The following TCF20 variants were observed in gnomAD, a reference collection of about 807,000 sequenced individuals.
The protein encoded by TCF20 is SPRE-binding protein.
TCF20 carries 3 observed loss-of-function variants against 148.6 expected under a neutral mutation model. That is an observed-to-expected ratio of 0.02 (90% CI 0.01 to 0.05). TCF20 has a LOEUF of 0.05. Ranked by LOEUF, TCF20 falls within the 10% of genes least tolerant of loss-of-function variation. The pLI is 1.00. For synonymous variants in TCF20, 1,049 were observed against 909.5 expected (o/e 1.15, Z -2.76); for missense variants, 2,350 against 2,429.3 (o/e 0.97, Z 0.69).
chr22:42,320,302 C>A (rs1180839220), intron 1 of TCF20, among the ~76,000 whole-genome samples: 4 of 152,204 alleles, frequency 2.6e-5, no homozygotes, highest in African/African-American at 7.2e-5. Flanking sequence ...CAGGATGGAG[C>A]CGTACAGCCT....
At chr22:42,302,613 T>C (rs1046446299) in intron 1 of TCF20, among the ~76,000 whole-genome samples, 25 of 152,154 alleles carry the variant, frequency 1.6e-4, no homozygotes, top group Non-Finnish European at 1.5e-4. Flanking sequence ...CTTGGTGGGA[T>C]TCCTGGATGT....
intron 2 of TCF20, among the ~76,000 whole-genome samples, chr22:42,199,852 A>C (rs1204757618): frequency 1.3e-5 from 2 of 151,716 alleles, no homozygotes; most frequent in Non-Finnish European, 2.9e-5. Context: ...TCCAAAAAAA[A>C]AAAAAAGCCC....
intron 2 of TCF20, among the ~76,000 whole-genome samples, chr22:42,202,371 C>T (rs914859363): frequency 6.6e-6 from 1 of 152,224 alleles, no homozygotes; most frequent in Admixed American, 6.5e-5. Context: ...TCCTAACATA[C>T]CTCTTTACTG....
chr22:42,207,184 C>A (rs1938441948), intron 2 of TCF20, among the ~76,000 whole-genome samples: 1 of 152,098 alleles, frequency 6.6e-6, no homozygotes. Flanking sequence ...GGTAACTGTT[C>A]TCATCCACTG....
chr22:42,336,789 A>T (rs1424439777), intron 1 of TCF20, among the ~76,000 whole-genome samples: 2 of 151,328 alleles, frequency 1.3e-5, no homozygotes, highest in Non-Finnish European at 2.9e-5. Flanking sequence ...CTTCCCCCTG[A>T]CCTCCCTCAC....
At chr22:42,205,511 T>TAGGATTA (rs1938325312) in intron 2 of TCF20, among the ~76,000 whole-genome samples, 2 of 152,202 alleles carry the variant, frequency 1.3e-5, no homozygotes, top group South Asian at 4.1e-4. Context: ...TCTTACATGA[T>TAGGATTA]AGGATTAAGG....
intron 1 of TCF20, among the ~76,000 whole-genome samples, chr22:42,301,898 C>A (rs918954028): frequency 6.6e-6 from 1 of 152,208 alleles, no homozygotes; most frequent in Non-Finnish European, 1.5e-5. Context: ...CTGGTGTGAG[C>A]AAGACTCAGG....
Position 42,169,755 on chromosome 22 carries a change from G to A in TCF20, c.5799+92C>T. ...GAGGCACAGGTGGGGACAGGTGTGG[G>A]TGAGGCCCACCAACACCTGGTCTTC... On this transcript the variant is annotated intron_variant, in intron 4 of 5. Coordinates refer to ENST00000677622, the MANE Select transcript of TCF20 (RefSeq NM_001378418.1). The A allele has an allele frequency of 3.6e-6, 5 of 1,375,740 alleles. No individual in the cohort carries two copies. The South Asian group carries it at 4.9e-5, about 13-fold the overall frequency. 85.2% of individuals were successfully genotyped at this position (1,375,740 alleles called of 1,614,324 possible).
At chr22:42,325,003 G>C (rs1239918652) in intron 1 of TCF20, among the ~76,000 whole-genome samples, 1 of 152,252 alleles carries the variant, frequency 6.6e-6, no homozygotes, top group Non-Finnish European at 1.5e-5. Context: ...TGGTGCCTGA[G>C]AGTGCAGACC....
intron 1 of TCF20, among the ~76,000 whole-genome samples, chr22:42,250,617 T>C (rs999441503): frequency 6.6e-6 from 1 of 152,204 alleles, no homozygotes; most frequent in South Asian, 2.1e-4. Context: ...TTGTCCATCA[T>C]GGTATTTCAG....
intron 5 of TCF20, 126 bp from the exon 6 acceptor site, chr22:42,161,484 GTGC>G (rs1935457487): frequency 8.0e-7 from 1 of 1,249,810 alleles, no homozygotes; most frequent in Non-Finnish European, 1.1e-6. Context: ...CTCTGCAGAT[GTGC>G]TGCTGATATG....
intron 1 of TCF20, chr22:42,276,227 C>G (rs545190600): frequency 6.6e-6 from 1 of 152,174 alleles, no homozygotes; most frequent in East Asian, 1.9e-4. Context: ...GAATTCAAAC[C>G]ATGGAGAAAA....
intron 1 of TCF20, among the ~76,000 whole-genome samples, chr22:42,282,909 C>G (rs574166901): frequency 6.6e-6 from 1 of 152,272 alleles, no homozygotes; most frequent in Non-Finnish European, 1.5e-5. Context: ...AGCCCCACGC[C>G]GCCCAGCACG....
intron 1 of TCF20, among the ~76,000 whole-genome samples, chr22:42,260,104 G>A (rs1027675813): frequency 1.3e-5 from 2 of 152,196 alleles, no homozygotes; most frequent in Non-Finnish European, 2.9e-5. Flanking sequence ...TCACATTTAG[G>A]TTGAACCTGA....
At position 42,182,905 on chromosome 22, in the gene TCF20, TTTTG is replaced by T. The variant is rs200686882; in HGVS notation, c.5656-3207_5656-3204del. Among the ~76,000 whole-genome samples, 1,212 of 152,204 alleles carry T rather than the reference TTTTG, an allele frequency of 8.0e-3. 16 individuals are homozygous for T. The highest frequency in any genetic ancestry group is 0.051 in the Middle Eastern group (15 of 292). ...GCATGAACCACCACACCTGGCAACT[TTTTG>T]TTTTTTTACTAGAGACGGGGTTTCA... On this transcript the variant is annotated intron_variant, in intron 2 of 5. Transcript: ENST00000677622.
intron 1 of TCF20, chr22:42,278,233 A>G (rs134887): frequency 0.57 from 86,416 of 152,082 alleles, 25,592 homozygotes; most frequent in Non-Finnish European, 0.66. Context: ...AAGTGCTCTC[A>G]AGGTTACAAA....
chr22:42,198,583 AGTT>A (rs1375267146), intron 2 of TCF20, among the ~76,000 whole-genome samples: 5 of 152,182 alleles, frequency 3.3e-5, no homozygotes, highest in South Asian at 2.1e-4. Flanking sequence ...TGCTATGCAA[AGTT>A]GTTATACTTT....
chr22:42,229,409 A>G (rs1272266927), intron 1 of TCF20, among the ~76,000 whole-genome samples: 1 of 152,220 alleles, frequency 6.6e-6, no homozygotes, highest in Non-Finnish European at 1.5e-5. Flanking sequence ...TTCCATAAAC[A>G]GCAAATATCC....
At chr22:42,281,832 A>T (rs1476402662) in intron 1 of TCF20, among the ~76,000 whole-genome samples, 1 of 152,188 alleles carries the variant, frequency 6.6e-6, no homozygotes, top group Non-Finnish European at 1.5e-5. Flanking sequence ...TCTGAGCTCT[A>T]GGAACAGGGC....
Sources: gnomAD v4.1 joint callset for allele counts (sites outside exome capture counted in the v4.1 genomes callset) on GRCh38, gnomAD v4.1.1 for gene constraint, MANE v1.5 for transcripts, NCBI Gene and HGNC (gene_info 2026-07-23, HGNC 2026-07-21) for gene names.